The following COL18A1 variants were observed in gnomAD, a reference collection of about 807,000 sequenced individuals.
COL18A1 encodes the protein collagen alpha-1(XVIII) chain.
Under a neutral mutation model 168.0 loss-of-function variants are expected in COL18A1, and 133 were observed. The ratio of observed to expected loss-of-function variants is 0.79; its 90% CI spans 0.69 to 0.91. The LOEUF (loss-of-function observed/expected upper bound fraction) is 0.91. COL18A1 is among the 40% of genes least tolerant of loss of function. The pLI, the probability that COL18A1 is intolerant of heterozygous loss-of-function variation, is 0.00. For synonymous variants in COL18A1, 949 were observed against 809.0 expected (o/e 1.17, Z -2.94); for missense variants, 2,126 against 1,925.4 (o/e 1.10, Z -1.95).
intron 16 of COL18A1, 119 bp from the exon 17 acceptor site, chr21:45,487,328 C>T: frequency 8.2e-7 from 1 of 1,225,400 alleles, no homozygotes; most frequent in Non-Finnish European, 1.2e-6. Flanking sequence ...ACGGCGGCTC[C>T]CCAGGCCACC....
chr21:45,487,827 T>C (rs2145968750), intron 17 of COL18A1, among the ~76,000 whole-genome samples: 1 of 152,368 alleles, frequency 6.6e-6, no homozygotes, highest in Non-Finnish European at 1.5e-5. Context: ...CACATTCTTT[T>C]TGTGGCCCCA....
chr21:45,501,980 CAGAAGGA>C lies in COL18A1; in HGVS notation c.2684-2030_2684-2024del, dbSNP rs1256159154. On this transcript the variant is annotated intron_variant, in intron 32 of 41. Transcript: ENST00000651438. ...CTCCGCAGCCGGTCACCTCCCTCTG[CAGAAGGA>C]CCCTCAGGGGCTCCACAGCCGGTCA... Among the ~76,000 whole-genome samples the C allele has an allele frequency of 4.5e-4, 36 of 80,584 alleles. 3 individuals are homozygous for C. Among genetic ancestry groups the C allele is most frequent in the African/African-American group, 1.8e-3 (32 of 17,900 alleles). The allele number at this position is 80,584 out of a possible 152,430, so 52.9% of individuals were successfully genotyped here. A position where few individuals can be genotyped will look rare whatever the true frequency, so the allele number is the denominator to read the frequency against.
intron 2 of COL18A1, among the ~76,000 whole-genome samples, chr21:45,451,789 C>T (rs6518245): frequency 0.2 from 30,747 of 152,082 alleles, 3,113 homozygotes; most frequent in East Asian, 0.25. Context: ...CCAGGTCCTG[C>T]GCACCCCCAG....
rs1326396483 is a variant in COL18A1, at chr21:45,510,028, T to C, written c.3496-36T>C. On this transcript the variant is annotated intron_variant, in intron 39 of 41. Coordinates refer to ENST00000651438, the MANE Select transcript of COL18A1 (RefSeq NM_001379500.1). Reference sequence around the variant, plus strand: ...CGGGGCCTGGGTGCAGGGGGCAGCGTGGGACACAGCCCGTGACGCGCCCCT... The same window carrying C: ...CGGGGCCTGGGTGCAGGGGGCAGCGCGGGACACAGCCCGTGACGCGCCCCT... The C allele has an allele frequency of 3.9e-6, 6 of 1,536,808 alleles. No homozygotes were observed. In the African/African-American group the frequency reaches 6.8e-5, roughly 18 times the overall value.
chr21:45,492,160 G>A (rs7282827), intron 22 of COL18A1, among the ~76,000 whole-genome samples: 9,406 of 152,274 alleles, frequency 0.062, 337 homozygotes, highest in African/African-American at 0.096. Context: ...GACAGGCATC[G>A]GGAGGCAGGG....
At chr21:45,472,622 C>T (rs2145904751) in intron 3 of COL18A1, among the ~76,000 whole-genome samples, 1 of 152,222 alleles carries the variant, frequency 6.6e-6, no homozygotes, top group African/African-American at 2.4e-5. Context: ...CGCAGTAGGT[C>T]CTGGTGGACA....
chr21:45,454,165 C>T (rs1428516839), intron 2 of COL18A1, among the ~76,000 whole-genome samples: 6 of 152,176 alleles, frequency 3.9e-5, no homozygotes, highest in Non-Finnish European at 7.3e-5. Flanking sequence ...CAGATGTTTG[C>T]TTGTGGAATG....
intron 2 of COL18A1, among the ~76,000 whole-genome samples, chr21:45,433,435 G>T (rs998829755): frequency 1.3e-5 from 2 of 152,192 alleles, no homozygotes; most frequent in Admixed American, 1.3e-4. Context: ...CCTGGTAGTA[G>T]TTCTGTCTGG....
chr21:45,462,629 A>G (rs1602441990), intron 2 of COL18A1, among the ~76,000 whole-genome samples: 1 of 152,202 alleles, frequency 6.6e-6, no homozygotes, highest in East Asian at 1.9e-4. Context: ...TGATATTTCC[A>G]TGTTGTTCAT....
intron 2 of COL18A1, among the ~76,000 whole-genome samples, chr21:45,435,693 G>A (rs1439291026): frequency 6.6e-6 from 1 of 152,088 alleles, no homozygotes; most frequent in Non-Finnish European, 1.5e-5. Context: ...GGTGGATGGG[G>A]AGCTGGGAGT....
rs182406522 is a variant in COL18A1 at position 45,472,247 on chromosome 21, G to A, written c.652-1648G>A. On this transcript the variant is annotated intron_variant, in intron 3 of 41. Transcript: ENST00000651438. ...TTTTTTTTTGTTTTTTTTTTGAGAC[G>A]GAGTCTCGCTCTGTCGCCCAGGCTG... 4.2e-3 allele frequency among the ~76,000 whole-genome samples: 631 copies of A among 149,754 alleles called. 3 individuals carry two copies. The highest frequency in any genetic ancestry group is 0.015 in the African/African-American group (605 of 40,658).
At chr21:45,454,562 A>T (rs1403112316) in intron 2 of COL18A1, among the ~76,000 whole-genome samples, 2 of 152,088 alleles carry the variant, frequency 1.3e-5, no homozygotes, top group Admixed American at 6.5e-5. Flanking sequence ...GCCTGGCTCC[A>T]CCTCTGATGG....
chr21:45,487,016 C>G, intron 16 of COL18A1, 24 bp downstream of exon 16: 1 of 1,496,300 alleles, frequency 6.7e-7, no homozygotes. Flanking sequence ...ACACCTGACC[C>G]CCTGGAGAGC....
chr21:45,456,072 A>G, intron 2 of COL18A1: 1 of 1,604,106 alleles, frequency 6.2e-7, no homozygotes, highest in Non-Finnish European at 8.5e-7. Context: ...CCGGGCGCCC[A>G]CACAACCGAG....
At chr21:45,492,468 C>T in intron 22 of COL18A1, 67 bp from the exon 23 acceptor site, 9 of 1,572,480 alleles carry the variant, frequency 5.7e-6, no homozygotes, top group South Asian at 2.2e-5. Context: ...ATCTGTAAGT[C>T]GCTCGAGTCC....
chr21:45,452,884 A>G (rs1031886339), intron 2 of COL18A1, among the ~76,000 whole-genome samples: 4 of 151,874 alleles, frequency 2.6e-5, no homozygotes, highest in African/African-American at 9.7e-5. Context: ...GTGAGTATTC[A>G]CATGTGACAT....
rs1018023543 is a variant in COL18A1 at position 45,425,432 on chromosome 21, G to A, written c.106+19959G>A. The stretch of plus-strand genomic sequence containing the variant: ...GGTCCCTGCAACTGTCCCCCAAGAG[G>A]TGTGCATGGAGGTGGACCCCCTGCC... On this transcript the variant is annotated intron_variant, in intron 2 of 41. Transcript: ENST00000651438. This position sits in a 1 kb window ranked among gnomAD's most constrained non-coding sequence, Gnocchi z 4.1. Among the ~76,000 whole-genome samples the A allele has an allele frequency of 6.6e-6, 1 of 152,196 alleles. No homozygotes were observed. The highest frequency in any genetic ancestry group is 2.4e-5 in the African/African-American group (1 of 41,456).
chr21:45,507,593 G>A lies in COL18A1; in HGVS notation c.3249G>A (p.Thr1083=), dbSNP rs760137567. The A allele has an allele frequency of 3.9e-5, 63 of 1,612,868 alleles. No individual in the cohort carries two copies. The highest frequency in any genetic ancestry group is 2.2e-4 in the South Asian group (20 of 91,038). ...LEARTPLPRG[T]DNEVAALQPP... ...CCCGGACACCACTCCCACGAGGGAC[G>A]GTAAGGAGCCTTTTTTCTGTTGAGA... The change falls in exon 38 of 42, where the codon ACG becomes ACA. Residue 1083 remains threonine (T), a splice_region_variant and synonymous_variant. Coordinates refer to ENST00000651438, the MANE Select transcript of COL18A1 (RefSeq NM_001379500.1).
rs1046110963 is a variant in COL18A1, at chr21:45,490,824, C to T, written c.2032-12C>T. 1 of 1,550,118 alleles carries T rather than the reference C, an allele frequency of 6.5e-7. No homozygotes were observed. The highest frequency in any genetic ancestry group is 8.7e-7 in the Non-Finnish European group (1 of 1,146,726). On this transcript the variant is annotated splice_polypyrimidine_tract_variant and intron_variant, in intron 20 of 41. Coordinates refer to ENST00000651438, the MANE Select transcript of COL18A1 (RefSeq NM_001379500.1). ...CTGTTGGTGATGAACCATTTCCTTC[C>T]TGTCTCTCCAGGGGCCAAAGGGAGA...
Sources: allele counts gnomAD v4.1 joint callset (sites outside exome capture counted in the v4.1 genomes callset), GRCh38; gene constraint gnomAD v4.1.1; non-coding constraint Gnocchi (gnomAD v3.1); transcripts MANE v1.5; gene names NCBI Gene and HGNC (gene_info 2026-07-23, HGNC 2026-07-21).